Variants in SPRED2 observed in about 807,000 individuals in gnomAD.
The protein encoded by SPRED2 is sprouty related EVH1 domain containing 2, also known as sprouty-related, EVH1 domain-containing protein 2.
In SPRED2, 47 loss-of-function variants were observed where a neutral mutation model predicts 43.0. That is an observed-to-expected ratio of 1.09 (90% CI 0.87 to 1.40). The LOEUF is 1.40. Ranked by LOEUF, SPRED2 falls within the 40% of genes most tolerant of loss-of-function variation. The pLI is 0.00. For synonymous variants in SPRED2, 225 were observed against 225.7 expected (o/e 1.00, Z 0.03); for missense variants, 561 against 586.4 (o/e 0.96, Z 0.45).
chr2:65,401,929 G>A (rs1213334289), intron 1 of SPRED2, among the ~76,000 whole-genome samples: 1 of 84,414 alleles, frequency 1.2e-5, no homozygotes, highest in Admixed American at 1.2e-4. Context: ...GAATATTAGC[G>A]CGCGCGCGCA....
At chr2:65,426,833 G>T (rs1228818527) in intron 1 of SPRED2, among the ~76,000 whole-genome samples, 1 of 152,154 alleles carries the variant, frequency 6.6e-6, no homozygotes, top group Non-Finnish European at 1.5e-5. Flanking sequence ...ATATTGTACT[G>T]GATAAAAGGA....
At chr2:65,357,674 A>G (rs2104304103) in intron 1 of SPRED2, among the ~76,000 whole-genome samples, 1 of 152,358 alleles carries the variant, frequency 6.6e-6, no homozygotes, top group African/African-American at 2.4e-5. Flanking sequence ...CTAAGGAGAA[A>G]TGAAGAGGTA....
chr2:65,392,114 T>C (rs892475828), intron 1 of SPRED2, among the ~76,000 whole-genome samples: 3 of 152,024 alleles, frequency 2.0e-5, no homozygotes, highest in African/African-American at 7.2e-5. Flanking sequence ...GTCTCTGATA[T>C]TGCACAAACT....
chr2:65,313,436 T>A lies in SPRED2; in HGVS notation c.*65A>T, dbSNP rs1673127601. ...GAGTGGAAGGGAGCGGGGGAGAAGA[T>A]GAGAGTATGTAAGAGACGAGTTCCC... On this transcript the variant is annotated 3_prime_UTR_variant, in exon 6 of 6. Transcript: ENST00000356388. The A allele has an allele frequency of 1.3e-6, 2 of 1,533,530 alleles. No homozygotes were observed. The highest frequency in any genetic ancestry group is 2.0e-5 in the Admixed American group (1 of 49,474). 95.0% of individuals were successfully genotyped at this position (1,533,530 alleles called of 1,614,324 possible).
At chr2:65,416,700 A>G (rs1051349915) in intron 1 of SPRED2, among the ~76,000 whole-genome samples, 3 of 152,162 alleles carry the variant, frequency 2.0e-5, no homozygotes, top group Non-Finnish European at 2.9e-5. Flanking sequence ...CTAGTTTCAA[A>G]GTAGGATGGG....
intron 4 of SPRED2, among the ~76,000 whole-genome samples, chr2:65,318,566 C>T (rs1673314367): frequency 6.6e-6 from 1 of 152,008 alleles, no homozygotes; most frequent in Admixed American, 6.6e-5. Flanking sequence ...TTTTTCTGAT[C>T]TCTAGATGCT....
chr2:65,362,692 C>T lies in SPRED2; in HGVS notation c.27-17796G>A, dbSNP rs111880629. On this transcript the variant is annotated intron_variant, in intron 1 of 5. Transcript: ENST00000356388. ...TGGCCATCATGGTGAAACTCCATCT[C>T]TACCAAAAATACAAAATTAGCCAGG... Among the ~76,000 whole-genome samples, 359 of 152,120 alleles carry T rather than the reference C, an allele frequency of 2.4e-3. 4 individuals carry two copies. Among genetic ancestry groups the T allele is most frequent in the African/African-American group, 8.5e-3 (351 of 41,538 alleles).
At chr2:65,366,856 T>A (rs373707061) in intron 1 of SPRED2, 2 of 1,108,184 alleles carry the variant, frequency 1.8e-6, no homozygotes, top group East Asian at 3.3e-5. Flanking sequence ...TTCTCAAAAG[T>A]GGAAACTGGA....
At chr2:65,350,745 C>A (rs538835215) in intron 1 of SPRED2, among the ~76,000 whole-genome samples, 4 of 152,298 alleles carry the variant, frequency 2.6e-5, no homozygotes, top group African/African-American at 9.6e-5. Flanking sequence ...AAGTTTTAGA[C>A]CTCAGCCTTT....
downstream of SPRED2, among the ~76,000 whole-genome samples, chr2:65,307,946 C>G (rs969856736): frequency 6.6e-6 from 1 of 152,126 alleles, no homozygotes; most frequent in Non-Finnish European, 1.5e-5. Context: ...TCCCCACACC[C>G]CCCGCCCCCC....
intron 1 of SPRED2, among the ~76,000 whole-genome samples, chr2:65,426,938 G>GCTTA (rs1443128003): frequency 6.6e-6 from 1 of 152,218 alleles, no homozygotes; most frequent in Admixed American, 6.5e-5. Context: ...AGCTGATGGA[G>GCTTA]CTTAGTCCAC....
chr2:65,334,225 G>A (rs1167024590), intron 3 of SPRED2: 2 of 472,704 alleles, frequency 4.2e-6, no homozygotes, highest in Non-Finnish European at 8.8e-6. Context: ...CAGTGGGTAG[G>A]CCAGGAGCCT....
intron 1 of SPRED2, among the ~76,000 whole-genome samples, chr2:65,421,565 G>A (rs1437823358): frequency 6.6e-6 from 1 of 152,210 alleles, no homozygotes; most frequent in Non-Finnish European, 1.5e-5. Flanking sequence ...TACAGGTCCA[G>A]GTGAACACAA....
chr2:65,406,278 A>C (rs1676021734), intron 1 of SPRED2, among the ~76,000 whole-genome samples: 1 of 152,166 alleles, frequency 6.6e-6, no homozygotes, highest in South Asian at 2.1e-4. Context: ...ATTTCTTAAT[A>C]CTTGACACCC....
At chr2:65,337,753 T>C (rs538891905) in intron 2 of SPRED2, among the ~76,000 whole-genome samples, 1 of 152,256 alleles carries the variant, frequency 6.6e-6, no homozygotes, top group Non-Finnish European at 1.5e-5. Flanking sequence ...TATTCAACCA[T>C]TCTCCATACT....
At chr2:65,318,532 A>G (rs1040876718) in intron 4 of SPRED2, among the ~76,000 whole-genome samples, 29 of 151,350 alleles carry the variant, frequency 1.9e-4, no homozygotes, top group African/African-American at 6.6e-4. Context: ...CCATTCCCCA[A>G]CTAAACAGAT....
chr2:65,404,053 A>G (rs1404346570), intron 1 of SPRED2, among the ~76,000 whole-genome samples: 2 of 152,054 alleles, frequency 1.3e-5, no homozygotes, highest in East Asian at 1.9e-4. Flanking sequence ...AAAAATACAA[A>G]AACTAGCTGG....
intron 1 of SPRED2, among the ~76,000 whole-genome samples, chr2:65,396,154 C>A (rs909991689): frequency 1.3e-5 from 2 of 152,168 alleles, no homozygotes; most frequent in Admixed American, 6.5e-5. Context: ...AGGCCTCAGT[C>A]AAGGGCATGG....
chr2:65,419,315 A>C (rs542231511), intron 1 of SPRED2, among the ~76,000 whole-genome samples: 2 of 152,224 alleles, frequency 1.3e-5, no homozygotes, highest in East Asian at 1.9e-4. Flanking sequence ...AACTTTATAC[A>C]TAGTCTGTAG....
Sources: allele counts gnomAD v4.1 joint callset (sites outside exome capture counted in the v4.1 genomes callset), GRCh38; gene constraint gnomAD v4.1.1; transcripts MANE v1.5; gene names NCBI Gene and HGNC (gene_info 2026-07-23, HGNC 2026-07-21).